Variants in NRG3 observed in about 807,000 individuals in gnomAD.
The protein encoded by NRG3 is pro-neuregulin-3, membrane-bound isoform.
In NRG3, 31 loss-of-function variants were observed where a neutral mutation model predicts 66.9. The ratio of observed to expected loss-of-function variants is 0.46; its 90% confidence interval spans 0.35 to 0.63. NRG3 has a LOEUF of 0.63. Among genes scored for constraint, NRG3 ranks in the 20% least tolerant of loss-of-function variants. NRG3 has a pLI of 0.00. For synonymous variants in NRG3, 393 were observed against 359.4 expected (o/e 1.09, Z -1.06); for missense variants, 910 against 878.9 (o/e 1.04, Z -0.45).
At chr10:82,352,500 A>C (rs2083496108) in intron 1 of NRG3, among the ~76,000 whole-genome samples, 1 of 152,174 alleles carries the variant, frequency 6.6e-6, no homozygotes, top group South Asian at 2.1e-4. Context: ...TGTGACCTAA[A>C]TGGTGAAAAG....
intron 5 of NRG3, among the ~76,000 whole-genome samples, chr10:82,955,963 G>A (rs773593839): frequency 8.6e-5 from 13 of 151,818 alleles, no homozygotes; most frequent in Non-Finnish European, 1.6e-4. Context: ...TCCCTCTGAG[G>A]TTTGCTGAGG....
At chr10:82,471,275 C>T (rs1424888521) in intron 2 of NRG3, among the ~76,000 whole-genome samples, 6 of 152,092 alleles carry the variant, frequency 3.9e-5, no homozygotes, top group Non-Finnish European at 5.9e-5. Context: ...AGAGGCCAGG[C>T]GCCTCTCCCC....
At chr10:82,773,025 T>C (rs946502688) in intron 3 of NRG3, among the ~76,000 whole-genome samples, 3 of 152,118 alleles carry the variant, frequency 2.0e-5, no homozygotes, top group African/African-American at 7.2e-5. Context: ...TCTTGGCTAT[T>C]ATGAATAATG....
intron 1 of NRG3, among the ~76,000 whole-genome samples, chr10:82,080,807 A>T (rs1417729802): frequency 1.3e-5 from 2 of 152,194 alleles, no homozygotes; most frequent in Non-Finnish European, 2.9e-5. Flanking sequence ...AGATACATTC[A>T]CAATACTGTG....
chr10:82,326,585 T>C (rs933690566), intron 1 of NRG3, among the ~76,000 whole-genome samples: 1 of 152,200 alleles, frequency 6.6e-6, no homozygotes, highest in Non-Finnish European at 1.5e-5. Context: ...ATGCTCATTA[T>C]TGTTTTTAAC....
chr10:82,036,405 G>A (rs2062791912), intron 1 of NRG3, among the ~76,000 whole-genome samples: 3 of 152,020 alleles, frequency 2.0e-5, no homozygotes, highest in Admixed American at 6.6e-5. Context: ...ACCCTGCTAG[G>A]CACAAGTTAT....
chr10:82,673,039 C>T (rs1297103891), intron 2 of NRG3, among the ~76,000 whole-genome samples: 1 of 152,242 alleles, frequency 6.6e-6, no homozygotes, highest in East Asian at 1.9e-4. Context: ...GCGTGAGCCA[C>T]CGTGCCCAGC....
chr10:82,208,965 C>A (rs1430825583), intron 1 of NRG3, among the ~76,000 whole-genome samples: 1 of 152,066 alleles, frequency 6.6e-6, no homozygotes, highest in African/African-American at 2.4e-5. Context: ...CAGAATCTCT[C>A]TTCTTACAAC....
Position 82,416,440 on chromosome 10 carries a change from T to G in NRG3, c.953+57572T>G, listed in dbSNP as rs1010341531. Among the ~76,000 whole-genome samples the G allele has an allele frequency of 2.0e-5, 3 of 152,128 alleles. No homozygotes were observed. In the East Asian group the frequency reaches 5.8e-4, roughly 29 times the overall value. On this transcript the variant is annotated intron_variant, in intron 2 of 8. Transcript: ENST00000372141. ...GCCAAGCTCTGAAGGCTGGAAGACA[T>G]GTAAGTTCATGTATAAGCATAAGAA...
intron 3 of NRG3, among the ~76,000 whole-genome samples, chr10:82,791,090 G>A (rs976285082): frequency 1.3e-5 from 2 of 151,798 alleles, no homozygotes; most frequent in African/African-American, 4.8e-5. Flanking sequence ...ATCAATATAT[G>A]TATGGGCATC....
chr10:82,014,036 A>G (rs889622999), intron 1 of NRG3, among the ~76,000 whole-genome samples: 15 of 152,312 alleles, frequency 9.8e-5, no homozygotes, highest in African/African-American at 3.1e-4. Context: ...AGGATAGTAC[A>G]TGCTTTTCAG....
intron 2 of NRG3, among the ~76,000 whole-genome samples, chr10:82,609,618 G>GAA (rs1006284905): frequency 2.0e-5 from 3 of 149,166 alleles, no homozygotes; most frequent in African/African-American, 7.4e-5. Flanking sequence ...GAGAAAATTG[G>GAA]AAAAAAAAAT....
intron 1 of NRG3, among the ~76,000 whole-genome samples, chr10:82,214,221 A>G (rs2075551673): frequency 6.6e-6 from 1 of 152,062 alleles, no homozygotes; most frequent in Non-Finnish European, 1.5e-5. Context: ...CTTTATCTTG[A>G]GTTTCATGTC....
intron 1 of NRG3, among the ~76,000 whole-genome samples, chr10:82,228,652 A>G (rs1474910771): frequency 6.6e-6 from 1 of 152,224 alleles, no homozygotes; most frequent in Non-Finnish European, 1.5e-5. Flanking sequence ...TGGACTTAAA[A>G]TGGTAATGAT....
In NRG3 at chr10:82,219,635, G is replaced by A. The variant is rs910135489; in HGVS notation, c.824-139104G>A. On this transcript the variant is annotated intron_variant, in intron 1 of 8. Transcript: ENST00000372141. Reference sequence around the variant, plus strand: ...GCAAATTAGTTCTAGAACCTCACTTGTCTTAATATTAGTTAATTGGAATTA... The same window carrying A: ...GCAAATTAGTTCTAGAACCTCACTTATCTTAATATTAGTTAATTGGAATTA... Among the ~76,000 whole-genome samples, 5 of 152,036 alleles carry A rather than the reference G, an allele frequency of 3.3e-5. No individual in the cohort carries two copies. The East Asian group carries it at 9.7e-4, about 29-fold the overall frequency.
chr10:82,293,804 A>G (rs892869441), intron 1 of NRG3, among the ~76,000 whole-genome samples: 1 of 152,178 alleles, frequency 6.6e-6, no homozygotes, highest in African/African-American at 2.4e-5. Context: ...GCCTCTTAAT[A>G]TCTCGTAATT....
At chr10:82,731,046 T>C (rs1045079600) in intron 2 of NRG3, among the ~76,000 whole-genome samples, 1 of 152,072 alleles carries the variant, frequency 6.6e-6, no homozygotes, top group Non-Finnish European at 1.5e-5. Context: ...TTTTGGCTTT[T>C]AAATCGAGGG....
intron 1 of NRG3, among the ~76,000 whole-genome samples, chr10:81,939,786 T>G (rs1302232555): frequency 6.6e-6 from 1 of 151,968 alleles, no homozygotes; most frequent in Non-Finnish European, 1.5e-5. Flanking sequence ...TCTGCTATGA[T>G]CTTTATTATT....
intron 1 of NRG3, among the ~76,000 whole-genome samples, chr10:82,007,846 A>G (rs2061431482): frequency 6.6e-6 from 1 of 152,190 alleles, no homozygotes; most frequent in South Asian, 2.1e-4. Flanking sequence ...GACAATTGAC[A>G]TCTAACAATG....
Sources: allele counts gnomAD v4.1 joint callset (sites outside exome capture counted in the v4.1 genomes callset), GRCh38; gene constraint gnomAD v4.1.1; transcripts MANE v1.5; gene names NCBI Gene and HGNC (gene_info 2026-07-23, HGNC 2026-07-21).